CEP126: variants seen among roughly 807,000 people sequenced by gnomAD.
CEP126 encodes centrosomal protein of 126 kDa.
CEP126 carries 74 observed loss-of-function variants against 107.8 expected under a neutral mutation model. That is an observed-to-expected ratio of 0.69 (90% CI 0.57 to 0.83). CEP126 has a LOEUF of 0.83. Among genes scored for constraint, CEP126 ranks in the 40% least tolerant of loss-of-function variants. The probability of loss-of-function intolerance (pLI) is 0.00; values close to 1 mark genes in which losing one functional copy is unlikely to be tolerated. For synonymous variants in CEP126, 449 were observed against 446.0 expected (o/e 1.01, Z -0.08); for missense variants, 1,237 against 1,281.9 (o/e 0.96, Z 0.53).
At chr11:101,945,637 A>G (rs928920687) in intron 3 of CEP126, among the ~76,000 whole-genome samples, 1 of 152,190 alleles carries the variant, frequency 6.6e-6, no homozygotes, top group Non-Finnish European at 1.5e-5. Context: ...TGGTTTGATG[A>G]TTATACTGAG....
In CEP126 at chr11:101,999,704, G is replaced by A. The variant is rs977738614; in HGVS notation, c.*2061G>A. 9.9e-5 allele frequency: 15 copies of A among 152,154 alleles called. No homozygotes were observed. The highest frequency in any genetic ancestry group is 2.2e-4 in the Non-Finnish European group (15 of 68,022). The allele number at this position is 152,154 out of a possible 1,614,324, so 9.4% of individuals were successfully genotyped here. A position where few individuals can be genotyped will look rare whatever the true frequency, so the allele number is the denominator to read the frequency against. The stretch of plus-strand genomic sequence containing the variant: ...AAGTGGGAAGACATAAAGAGCCTTT[G>A]TGAATTAAAGTGGAAGAGAATAACA... On this transcript the variant is annotated 3_prime_UTR_variant, in exon 11 of 11. Coordinates refer to ENST00000263468, the MANE Select transcript of CEP126 (RefSeq NM_020802.4).
chr11:101,941,768 G>A (rs1349291207), intron 2 of CEP126, among the ~76,000 whole-genome samples: 1 of 152,074 alleles, frequency 6.6e-6, no homozygotes, highest in Admixed American at 6.6e-5. Flanking sequence ...CAATGCATAA[G>A]AGTTCCAGTT....
In CEP126 at chr11:101,962,591, CA is replaced by C. The variant is rs1413549689; in HGVS notation, c.1557del (p.Asp520ThrfsTer21). On this transcript the variant is annotated frameshift_variant, in exon 6 of 11. Coordinates refer to ENST00000263468, the MANE Select transcript of CEP126 (RefSeq NM_020802.4). LOFTEE classifies it high-confidence loss of function. ...NCNKEELPLF[S>X]DSFQDAYIPH... ...AATAAGGAAGAGTTGCCTTTATTTT[CA>C]GACAGTTTTCAAGATGCCTATATAC... 1.2e-6 allele frequency: 2 copies of C among 1,613,440 alleles called. No individual in the cohort carries two copies. The highest frequency in any genetic ancestry group is 2.7e-5 in the African/African-American group (2 of 74,886).
At chr11:101,956,070 G>A (rs766827033) in intron 4 of CEP126, 29 of 456,246 alleles carry the variant, frequency 6.4e-5, no homozygotes, top group Admixed American at 3.3e-4. Flanking sequence ...AGTTTCCCTC[G>A]TCTACCAGCA....
At chr11:101,915,621 C>T (rs1940193153) in intron 1 of CEP126, among the ~76,000 whole-genome samples, 1 of 152,192 alleles carries the variant, frequency 6.6e-6, no homozygotes. Flanking sequence ...CCCCCCATCA[C>T]CCTGTTATCC....
intron 6 of CEP126, among the ~76,000 whole-genome samples, chr11:101,977,300 T>G (rs975788260): frequency 2.0e-5 from 3 of 152,096 alleles, no homozygotes; most frequent in African/African-American, 7.2e-5. Context: ...TATTTTGATC[T>G]GTGATTTTGC....
intron 6 of CEP126, 53 bp from the exon 7 acceptor site, chr11:101,978,294 T>C: frequency 8.7e-7 from 1 of 1,148,942 alleles, no homozygotes; most frequent in Non-Finnish European, 1.3e-6. Context: ...AGTGGGTATA[T>C]ATTGGCTACT....
In CEP126 at chr11:101,948,090, T is replaced by C; in HGVS notation, c.454T>C (p.Leu152=). 6.2e-7 allele frequency: 1 copy of C among 1,612,200 alleles called. No homozygotes were observed. Among genetic ancestry groups the C allele is most frequent in the African/African-American group, 1.3e-5 (1 of 75,014 alleles). ...EALKQIQESN[L]KSEVNLPFSR... ...CCTCAAACAAATTCAGGAATCCAAC[T>C]TAAAATCAGAAGTAAACCTTCCCTT... The change falls in exon 4 of 11, where the codon TTA becomes CTA. Residue 152 remains leucine, a synonymous_variant. Coordinates refer to ENST00000263468, the MANE Select transcript of CEP126 (RefSeq NM_020802.4).
intron 2 of CEP126, among the ~76,000 whole-genome samples, chr11:101,938,818 T>G (rs1384147392): frequency 2.0e-5 from 3 of 152,198 alleles, no homozygotes; most frequent in African/African-American, 7.2e-5. Context: ...GATTTTTTTC[T>G]TTGATCTATG....
chr11:101,928,733 C>G (rs1337510530), intron 2 of CEP126, among the ~76,000 whole-genome samples: 1 of 152,092 alleles, frequency 6.6e-6, no homozygotes, highest in Non-Finnish European at 1.5e-5. Flanking sequence ...GTTCTTTATT[C>G]TGTTCTTTTT....
intron 6 of CEP126, among the ~76,000 whole-genome samples, chr11:101,974,781 G>A (rs1258630937): frequency 2.6e-5 from 4 of 152,068 alleles, no homozygotes; most frequent in Admixed American, 2.6e-4. Context: ...TGTATTAATT[G>A]TTAGGTAATA....
At chr11:101,973,646 A>G (rs1172365441) in intron 6 of CEP126, among the ~76,000 whole-genome samples, 1 of 152,194 alleles carries the variant, frequency 6.6e-6, no homozygotes, top group Non-Finnish European at 1.5e-5. Context: ...CATCCTGTAC[A>G]TGTATCCTAA....
At chr11:101,921,268 T>C (rs542382766) in intron 1 of CEP126, among the ~76,000 whole-genome samples, 34 of 152,350 alleles carry the variant, frequency 2.2e-4, no homozygotes, top group African/African-American at 7.9e-4. Context: ...TTGTTTAATA[T>C]TTGAAAATGT....
At chr11:101,959,489 T>C (rs1481730124) in intron 5 of CEP126, among the ~76,000 whole-genome samples, 1 of 152,068 alleles carries the variant, frequency 6.6e-6, no homozygotes, top group Non-Finnish European at 1.5e-5. Flanking sequence ...ATCTAAATAC[T>C]CAATAACATA....
At chr11:101,970,936 A>G (rs774170888) in intron 6 of CEP126, among the ~76,000 whole-genome samples, 1 of 152,142 alleles carries the variant, frequency 6.6e-6, no homozygotes, top group Non-Finnish European at 1.5e-5. Context: ...TTAAGGCATT[A>G]TGATTCTATG....
chr11:101,932,037 C>A (rs11225070), intron 2 of CEP126, among the ~76,000 whole-genome samples: 1 of 152,082 alleles, frequency 6.6e-6, no homozygotes, highest in Admixed American at 6.5e-5. Context: ...GTTTCTTCTG[C>A]GAAAAAGACT....
intron 1 of CEP126, among the ~76,000 whole-genome samples, chr11:101,921,777 CTT>C (rs747642967): frequency 1.1e-4 from 6 of 55,016 alleles, no homozygotes; most frequent in East Asian, 1.1e-3. Context: ...TTCATGATTT[CTT>C]TTTTTTTTTT....
At chr11:101,986,441 G>A (rs1941317413) in intron 8 of CEP126, among the ~76,000 whole-genome samples, 1 of 152,076 alleles carries the variant, frequency 6.6e-6, no homozygotes, top group Admixed American at 6.6e-5. Flanking sequence ...CTAATCTTAA[G>A]GGTTTTTTGG....
At position 101,990,688 on chromosome 11, in the gene CEP126, C is replaced by G. The variant is rs141659991; in HGVS notation, c.3245-2090C>G. 4.2e-4 allele frequency among the ~76,000 whole-genome samples: 64 copies of G among 151,932 alleles called. 1 individual carries two copies. The East Asian group carries it at 9.1e-3, about 22-fold the overall frequency. On this transcript the variant is annotated intron_variant, in intron 9 of 10. Coordinates refer to ENST00000263468, the MANE Select transcript of CEP126 (RefSeq NM_020802.4). ...TTCCCCACCACCAGATCAGCAAGTACCAAGTAACAAATAATAGAAATCTAC... is the reference window on the plus strand; with the variant it reads ...TTCCCCACCACCAGATCAGCAAGTAGCAAGTAACAAATAATAGAAATCTAC...
Sources: gnomAD v4.1 joint callset for allele counts (sites outside exome capture counted in the v4.1 genomes callset) on GRCh38, gnomAD v4.1.1 for gene constraint, MANE v1.5 for transcripts, NCBI Gene and HGNC (gene_info 2026-07-23, HGNC 2026-07-21) for gene names.